The following ATP10B variants were observed in gnomAD, a reference collection of about 807,000 sequenced individuals.
ATP10B encodes the protein phospholipid-transporting ATPase VB.
ATP10B carries 122 observed loss-of-function variants against 141.2 expected under a neutral mutation model. The observed-to-expected ratio is 0.86, with a 90% CI of 0.75 to 1.00. ATP10B has a LOEUF of 1.00. Ranked by LOEUF, ATP10B falls within the 50% of genes least tolerant of loss-of-function variation. The pLI is 0.00. For missense variants in ATP10B, 1,876 were observed against 1,825.3 expected (o/e 1.03, Z -0.51); for synonymous variants, 685 against 692.0 (o/e 0.99, Z 0.16).
chr5:160,778,089 A>G (rs1770463235), intron 2 of ATP10B, among the ~76,000 whole-genome samples: 1 of 152,236 alleles, frequency 6.6e-6, no homozygotes, highest in Admixed American at 6.5e-5. Context: ...GGCTGTAGAC[A>G]GTCTCTACAG....
At chr5:160,894,077 G>A in the ATP10B span, among the ~76,000 whole-genome samples, 3 of 152,158 alleles carry the variant, frequency 2.0e-5, no homozygotes, top group South Asian at 2.1e-4. Context: ...ATAAATCCAC[G>A]AAGATGAAGA....
intron 18 of ATP10B, among the ~76,000 whole-genome samples, chr5:160,608,088 C>T (rs931841638): frequency 6.6e-6 from 1 of 152,100 alleles, no homozygotes; most frequent in Non-Finnish European, 1.5e-5. Flanking sequence ...ATCCCCCCAC[C>T]CCACGACAGG....
chr5:160,699,638 G>C (rs1222883392), intron 3 of ATP10B, among the ~76,000 whole-genome samples: 1 of 152,164 alleles, frequency 6.6e-6, no homozygotes, highest in Non-Finnish European at 1.5e-5. Context: ...GTGAAATGGA[G>C]TGAGAAAAAC....
chr5:160,653,206 C>A (rs1316941733), intron 7 of ATP10B, among the ~76,000 whole-genome samples: 2 of 130,420 alleles, frequency 1.5e-5, no homozygotes, highest in Non-Finnish European at 3.1e-5. Context: ...ATATTATATA[C>A]TATATATCAT....
chr5:160,752,609 G>A (rs79550247), intron 2 of ATP10B, among the ~76,000 whole-genome samples: 3,161 of 152,168 alleles, frequency 0.021, 111 homozygotes, highest in African/African-American at 0.071. Flanking sequence ...GAAATGGATC[G>A]TTGGGTAGAA....
At chr5:160,817,769 C>A (rs1006835548) in intron 1 of ATP10B, among the ~76,000 whole-genome samples, 9 of 152,136 alleles carry the variant, frequency 5.9e-5, no homozygotes, top group Non-Finnish European at 8.8e-5. Flanking sequence ...CTACATTAAC[C>A]AAAACAGCAT....
intron 1 of ATP10B, among the ~76,000 whole-genome samples, chr5:160,794,299 C>T (rs1158042295): frequency 6.6e-6 from 1 of 152,092 alleles, no homozygotes; most frequent in Non-Finnish European, 1.5e-5. Context: ...TCCTGCATCC[C>T]CTGTTTCCTC....
intron 2 of ATP10B, among the ~76,000 whole-genome samples, chr5:160,766,962 G>T (rs888979293): frequency 6.6e-6 from 1 of 152,102 alleles, no homozygotes; most frequent in African/African-American, 2.4e-5. Context: ...GTCTTTGGGG[G>T]ATTTTTCAAG....
the ATP10B span, among the ~76,000 whole-genome samples, chr5:160,910,846 G>A: frequency 6.6e-6 from 1 of 152,190 alleles, no homozygotes; most frequent in Non-Finnish European, 1.5e-5. Context: ...GCCCCACCAA[G>A]TTTCATCATA....
chr5:160,849,303 T>C (rs929491900), intron 1 of ATP10B, among the ~76,000 whole-genome samples: 2 of 152,172 alleles, frequency 1.3e-5, no homozygotes, highest in African/African-American at 4.8e-5. Context: ...TGAGTTCAGA[T>C]TGATACTGCA....
chr5:160,849,111 T>A (rs575980601), intron 1 of ATP10B, among the ~76,000 whole-genome samples: 2 of 152,238 alleles, frequency 1.3e-5, no homozygotes, highest in African/African-American at 4.8e-5. Context: ...AGGAAGCATA[T>A]TTGGGAACCA....
upstream of ATP10B, among the ~76,000 whole-genome samples, chr5:160,852,735 G>A (rs1207308396): frequency 1.3e-5 from 2 of 152,036 alleles, no homozygotes; most frequent in African/African-American, 4.8e-5. Flanking sequence ...TGATAGCTTC[G>A]ATTCATACCC....
the ATP10B span, among the ~76,000 whole-genome samples, chr5:160,861,612 A>G: frequency 0.74 from 112,267 of 151,704 alleles, 42,973 homozygotes; most frequent in East Asian, 0.97. Context: ...TACACTGTAT[A>G]TGCTGTGCAG....
At chr5:160,882,088 G>A in the ATP10B span, among the ~76,000 whole-genome samples, 1 of 152,280 alleles carries the variant, frequency 6.6e-6, no homozygotes, top group South Asian at 2.1e-4. Context: ...GGTTGCCATT[G>A]GAAGGGGGAG....
rs35786358 is a variant in ATP10B at position 160,724,251 on chromosome 5, CTTTT to C, written c.-330-7221_-330-7218del. Among the ~76,000 whole-genome samples, 3 of 107,088 alleles carry C rather than the reference CTTTT, an allele frequency of 2.8e-5. No homozygotes were observed. The East Asian group carries it at 1.1e-3, about 40-fold the overall frequency. 70.3% of individuals were successfully genotyped at this position (107,088 alleles called of 152,430 possible). A position where few individuals can be genotyped will look rare whatever the true frequency, so the allele number is the denominator to read the frequency against. On this transcript the variant is annotated intron_variant, in intron 2 of 25. Coordinates refer to ENST00000327245, the MANE Select transcript of ATP10B (RefSeq NM_025153.3). ...AAGTTTACCTGAGAAGCTATAATTC[CTTTT>C]TTTTTTTTTTTTTTTTTTTAGAGAC...
intron 3 of ATP10B, among the ~76,000 whole-genome samples, chr5:160,708,731 G>T (rs149872109): frequency 6.6e-6 from 1 of 152,094 alleles, no homozygotes; most frequent in Admixed American, 6.6e-5. Flanking sequence ...AATCTATTCC[G>T]CCCTTCTGCT....
In ATP10B at chr5:160,767,602, C is replaced by T. The variant is rs534650628; in HGVS notation, c.-331+17957G>A. On this transcript the variant is annotated intron_variant, in intron 2 of 25. Transcript: ENST00000327245. The stretch of plus-strand genomic sequence containing the variant: ...GTAGAAGCAAAAAAATGACACTTTG[C>T]TTCCAATATGGTGTGAGGGTCATGT... Among the ~76,000 whole-genome samples the T allele has an allele frequency of 5.5e-4, 81 of 146,266 alleles. 1 individual carries two copies. Among genetic ancestry groups the T allele is most frequent in the African/African-American group, 2.0e-3 (81 of 40,162 alleles).
At position 160,573,592 on chromosome 5, in the gene ATP10B, A is replaced by C. The variant is rs557710923; in HGVS notation, c.3751-3909T>G. ...CCTGTCAGATTAGTGGTGACATTAG[A>C]TTCTCATAGGAGCACGAGAACTCTA... On this transcript the variant is annotated intron_variant, in intron 24 of 25. Coordinates refer to ENST00000327245, the MANE Select transcript of ATP10B (RefSeq NM_025153.3). 2.6e-5 allele frequency among the ~76,000 whole-genome samples: 4 copies of C among 152,256 alleles called. No individual in the cohort carries two copies. In the East Asian group the frequency reaches 7.7e-4, roughly 29 times the overall value.
In ATP10B at chr5:160,686,082, T is replaced by A; in HGVS notation, c.467A>T (p.Glu156Val). 6.4e-7 allele frequency: 1 copy of A among 1,561,200 alleles called. No homozygotes were observed. ...AINCSNIRIY[E>V]RKEQTYVQKC... ...ACACAGGGATGGTTTTTCTTACCTT[T>A]CATAAATTCGAATGTTGGAGCAGTT... is the stretch of plus-strand genomic sequence containing the variant. Residue 156 changes from glutamate (E) to valine (V), a missense_variant, in exon 6 of 26, where the codon GAA (glutamate) becomes GTA (valine). Glu to Val is a moderately radical substitution (Grantham distance 121). Transcript: ENST00000327245.
Sources: allele counts gnomAD v4.1 joint callset (sites outside exome capture counted in the v4.1 genomes callset), GRCh38; gene constraint gnomAD v4.1.1; transcripts MANE v1.5; gene names NCBI Gene and HGNC (gene_info 2026-07-23, HGNC 2026-07-21).